The following CHD2 variants were observed in gnomAD, a reference collection of about 807,000 sequenced individuals.
CHD2 encodes the protein chromodomain helicase DNA binding protein 2.
A neutral mutation model predicts 243.9 loss-of-function variants in CHD2; 28 were observed. The observed-to-expected ratio is 0.11, with a 90% CI of 0.09 to 0.16. The LOEUF (loss-of-function observed/expected upper bound fraction) is 0.16. CHD2 is among the 10% of genes least tolerant of loss of function. The probability of loss-of-function intolerance (pLI) is 1.00; values close to 1 mark genes in which losing one functional copy is unlikely to be tolerated. For synonymous variants in CHD2, 775 were observed against 779.0 expected (o/e 0.99, Z 0.09); for missense variants, 1,386 against 2,209.8 (o/e 0.63, Z 7.47).
chr15:92,950,011 G>T (rs1405454488), intron 13 of CHD2, among the ~76,000 whole-genome samples: 1 of 152,156 alleles, frequency 6.6e-6, no homozygotes, highest in African/African-American at 2.4e-5. Flanking sequence ...AACGCGCAGT[G>T]GAAAACAAAG....
chr15:92,959,712 G>A (rs1420544962), intron 16 of CHD2, among the ~76,000 whole-genome samples: 1 of 152,128 alleles, frequency 6.6e-6, no homozygotes, highest in South Asian at 2.1e-4. Context: ...GGCTGGTCTC[G>A]AACTCCTGAC....
intron 4 of CHD2, among the ~76,000 whole-genome samples, chr15:92,928,760 G>C (rs2053112371): frequency 6.6e-6 from 1 of 152,204 alleles, no homozygotes; most frequent in African/African-American, 2.4e-5. Flanking sequence ...TTACATCGTT[G>C]CAGAAAGTTA....
intron 2 of CHD2, chr15:92,904,454 C>G: frequency 1.0e-6 from 1 of 988,830 alleles, no homozygotes; most frequent in South Asian, 4.6e-5. Context: ...ATGTCGGGCG[C>G]TTTCTCCTCC....
chr15:92,905,131 ATG>A, intron 2 of CHD2: 1 of 772,224 alleles, frequency 1.3e-6, no homozygotes, highest in Non-Finnish European at 2.0e-6. Flanking sequence ...AACCATTACT[ATG>A]TAAGTAAATG....
At chr15:92,918,866 T>C (rs532435975) in intron 2 of CHD2, among the ~76,000 whole-genome samples, 40 of 151,980 alleles carry the variant, frequency 2.6e-4, no homozygotes, top group African/African-American at 9.6e-4. Context: ...CATATATATA[T>C]ATATTTTTTG....
chr15:92,901,643 A>G, intron 2 of CHD2: 1 of 412,630 alleles, frequency 2.4e-6, no homozygotes, highest in East Asian at 3.6e-5. Context: ...CGGTTTAGCC[A>G]TTGCTGCATT....
chr15:92,917,584 A>G (rs532700927), intron 2 of CHD2, among the ~76,000 whole-genome samples: 2 of 152,314 alleles, frequency 1.3e-5, no homozygotes, highest in East Asian at 1.9e-4. Flanking sequence ...GCAAAAAGAA[A>G]AAAAAGGTGT....
At position 92,967,308 on chromosome 15, in the gene CHD2, T is replaced by C. The variant is rs1442929994; in HGVS notation, c.2001-17T>C. 2 of 1,585,570 alleles carry C rather than the reference T, an allele frequency of 1.3e-6. No homozygotes were observed. The highest frequency in any genetic ancestry group is 3.5e-5 in the Admixed American group (2 of 57,286). On this transcript the variant is annotated splice_polypyrimidine_tract_variant and intron_variant, in intron 16 of 38. Transcript: ENST00000394196. Reference sequence around the variant, plus strand: ...TCCTCAATGTGGCTAAATAACACTATACTGTTTCTTCCCTAGGTTTGAATT... The same window carrying C: ...TCCTCAATGTGGCTAAATAACACTACACTGTTTCTTCCCTAGGTTTGAATT...
Position 93,019,889 on chromosome 15 carries a change from T to C in CHD2, c.4907-123T>C, listed in dbSNP as rs533798617. On this transcript the variant is annotated intron_variant, in intron 37 of 38. Transcript: ENST00000394196. ...TGGAGATTGCAGTGATCTAAGATCGTGCCACTGCACTCCAGCCTGGGCAAA... is the reference window on the plus strand; with the variant it reads ...TGGAGATTGCAGTGATCTAAGATCGCGCCACTGCACTCCAGCCTGGGCAAA... 85 of 1,149,372 alleles carry C rather than the reference T, an allele frequency of 7.4e-5. 2 individuals are homozygous for C. The Admixed American group carries it at 1.2e-3, about 16-fold the overall frequency. The allele number at this position is 1,149,372 out of a possible 1,614,324, so 71.2% of individuals were successfully genotyped here. A position where few individuals can be genotyped will look rare whatever the true frequency, so the allele number is the denominator to read the frequency against.
rs187236290 is a variant in CHD2 at position 93,018,415 on chromosome 15, A to G, written c.4907-1597A>G. 5.3e-3 allele frequency among the ~76,000 whole-genome samples: 810 copies of G among 152,364 alleles called. 8 individuals carry two copies. The highest frequency in any genetic ancestry group is 0.018 in the African/African-American group (768 of 41,580). On this transcript the variant is annotated intron_variant, in intron 37 of 38. Transcript: ENST00000394196. ...CTCTGTAGAAAAAAGCTGGAAGGCC[A>G]GTAAAATGAGTAGAGACACTTATTT...
intron 5 of CHD2, among the ~76,000 whole-genome samples, chr15:92,937,022 A>G (rs921248801): frequency 1.6e-4 from 25 of 152,096 alleles, no homozygotes; most frequent in African/African-American, 5.6e-4. Flanking sequence ...GCCTGGCTCA[A>G]TTTTAAAATT....
Position 93,027,533 on chromosome 15 carries a change from C to T in CHD2, c.*2828C>T, listed in dbSNP as rs2054595938. ...AAGGGAAGCCCAAACACTTTGCACG[C>T]TGTGCTGCAGACATTCTGGCCTGGT... On this transcript the variant is annotated 3_prime_UTR_variant, in exon 39 of 39. Coordinates refer to ENST00000394196, the MANE Select transcript of CHD2 (RefSeq NM_001271.4). 1 of 152,562 alleles carries T rather than the reference C, an allele frequency of 6.6e-6. No homozygotes were observed. The highest frequency in any genetic ancestry group is 2.1e-4 in the South Asian group (1 of 4,830). 9.5% of individuals were successfully genotyped at this position (152,562 alleles called of 1,614,324 possible). A position where few individuals can be genotyped will look rare whatever the true frequency, so the allele number is the denominator to read the frequency against.
At chr15:92,918,317 G>T (rs1264331210) in intron 2 of CHD2, among the ~76,000 whole-genome samples, 1 of 152,108 alleles carries the variant, frequency 6.6e-6, no homozygotes, top group East Asian at 1.9e-4. Flanking sequence ...ATTTATTTTT[G>T]ATTGGAATCT....
rs372471036 is a variant in CHD2, at chr15:92,924,306, C to G, written c.63-15C>G. On this transcript the variant is annotated splice_polypyrimidine_tract_variant and intron_variant, in intron 2 of 38. Coordinates refer to ENST00000394196, the MANE Select transcript of CHD2 (RefSeq NM_001271.4). ...TTCTTAAATATTTTTAAATCTCTCT[C>G]TCTCTCAAAATAAGTCACTCAGCCT... is the stretch of plus-strand genomic sequence containing the variant. 6 of 1,606,600 alleles carry G rather than the reference C, an allele frequency of 3.7e-6. No homozygotes were observed. Among genetic ancestry groups the G allele is most frequent in the East Asian group, 4.5e-5 (2 of 44,828 alleles).
rs766332105 is a variant in CHD2 at position 93,025,425 on chromosome 15, G to C, written c.*720G>C. 1 of 152,736 alleles carries C rather than the reference G, an allele frequency of 6.5e-6. No individual in the cohort carries two copies. Among genetic ancestry groups the C allele is most frequent in the Non-Finnish European group, 1.5e-5 (1 of 68,136 alleles). The allele number at this position is 152,736 out of a possible 1,614,324, so 9.5% of individuals were successfully genotyped here. ...GTACATTTCAGAGCTTTGGTCTCCT[G>C]AGTGGGCCTCCTTTTCCCACTGTGC... On this transcript the variant is annotated 3_prime_UTR_variant, in exon 39 of 39. Transcript: ENST00000394196.
intron 2 of CHD2, among the ~76,000 whole-genome samples, chr15:92,919,263 C>T (rs971995386): frequency 6.6e-6 from 1 of 151,412 alleles, no homozygotes; most frequent in African/African-American, 2.4e-5. Flanking sequence ...AGTGATTATT[C>T]CTCTTACGAG....
At chr15:92,994,892 C>T (rs964876894) in intron 28 of CHD2, among the ~76,000 whole-genome samples, 1 of 152,178 alleles carries the variant, frequency 6.6e-6, no homozygotes, top group African/African-American at 2.4e-5. Context: ...CTTATTTCCT[C>T]ACACCTGTAT....
At chr15:92,918,400 T>A (rs1204299249) in intron 2 of CHD2, among the ~76,000 whole-genome samples, 2 of 152,228 alleles carry the variant, frequency 1.3e-5, no homozygotes, top group African/African-American at 2.4e-5. Flanking sequence ...AAGTAAAAAA[T>A]TATAAAAGTT....
rs1448052056 is a variant in CHD2 at position 93,000,550 on chromosome 15, A to G, written c.4047A>G (p.Glu1349=). The change falls in exon 32 of 39, where the codon GAA becomes GAG. Residue 1349 remains glutamate (E), a synonymous_variant. Coordinates refer to ENST00000394196, the MANE Select transcript of CHD2 (RefSeq NM_001271.4). ...AGCGGAAGCCTCGGGTAAAGAAGGA[A>G]AACAAAGTGCCCAGGCTGAAAGAGG... is the stretch of plus-strand genomic sequence containing the variant. ...LKKRKPRVKK[E]NKVPRLKEEH... is the part of the protein sequence containing the mutation. 3.1e-6 allele frequency: 5 copies of G among 1,613,464 alleles called. No individual in the cohort carries two copies. Among genetic ancestry groups the G allele is most frequent in the Non-Finnish European group, 4.2e-6 (5 of 1,179,760 alleles).
Sources: allele counts gnomAD v4.1 joint callset (sites outside exome capture counted in the v4.1 genomes callset), GRCh38; gene constraint gnomAD v4.1.1; transcripts MANE v1.5; gene names NCBI Gene and HGNC (gene_info 2026-07-23, HGNC 2026-07-21).